Variants in CREM observed in about 807,000 individuals in gnomAD.
CREM encodes cAMP responsive element modulator, also known as cAMP-responsive element modulator.
Under a neutral mutation model 37.3 loss-of-function variants are expected in CREM, and 13 were observed. That is an observed-to-expected ratio of 0.35 (90% CI 0.23 to 0.55). The LOEUF (loss-of-function observed/expected upper bound fraction) is 0.55, where lower values mean the gene tolerates loss of function less well. Ranked by LOEUF, CREM falls within the 20% of genes least tolerant of loss-of-function variation. The probability of loss-of-function intolerance (pLI) is 0.88; values close to 1 mark genes in which losing one functional copy is unlikely to be tolerated. For missense variants in CREM, 296 were observed against 362.3 expected (o/e 0.82, Z 1.49); for synonymous variants, 124 against 120.2 (o/e 1.03, Z -0.21).
At chr10:35,168,160 T>C (rs971340632) in intron 3 of CREM, among the ~76,000 whole-genome samples, 1 of 152,214 alleles carries the variant, frequency 6.6e-6, no homozygotes. Flanking sequence ...TTCTAGATCC[T>C]TGAGGAATCG....
intron 2 of CREM, among the ~76,000 whole-genome samples, chr10:35,143,135 T>C (rs1239637084): frequency 6.6e-6 from 1 of 152,120 alleles, no homozygotes; most frequent in African/African-American, 2.4e-5. Context: ...CACACCTGGC[T>C]AATTTTTGTA....
chr10:35,171,413 C>A (rs2132716025), intron 3 of CREM: 1 of 152,182 alleles, frequency 6.6e-6, no homozygotes, highest in East Asian at 1.9e-4. Context: ...CTCAGGTAAT[C>A]CACCTGCCTC....
chr10:35,188,791 G>A (rs1167728782), intron 6 of CREM, among the ~76,000 whole-genome samples: 5 of 151,902 alleles, frequency 3.3e-5, no homozygotes, highest in Non-Finnish European at 7.4e-5. Context: ...CCGGGGAGCT[G>A]GGATTACAGG....
intron 7 of CREM, chr10:35,209,236 T>C: frequency 3.5e-6 from 3 of 850,528 alleles, no homozygotes; most frequent in Non-Finnish European, 4.2e-6. Context: ...TTTTTATTCT[T>C]TGATTGGCAT....
intron 6 of CREM, among the ~76,000 whole-genome samples, chr10:35,191,930 A>G (rs988814777): frequency 4.0e-5 from 5 of 124,572 alleles, no homozygotes; most frequent in African/African-American, 1.4e-4. Flanking sequence ...GTGATTGACC[A>G]CTACTATCCT....
In CREM at chr10:35,147,041, G is replaced by GTT. The variant is rs755346866; in HGVS notation, c.45-1301_45-1300dup. On this transcript the variant is annotated intron_variant, in intron 2 of 7. Coordinates refer to ENST00000685392, the MANE Select transcript of CREM (RefSeq NM_183011.2). ...GGAGTAGTTTCTATAAGTTTTTTGG[G>GTT]TTTTTTTTTTTTTTTTTTTTTTTTT... 3.6e-3 allele frequency among the ~76,000 whole-genome samples: 433 copies of GTT among 120,942 alleles called. 12 individuals are homozygous for GTT. Among genetic ancestry groups the GTT allele is most frequent in the African/African-American group, 8.2e-3 (258 of 31,434 alleles). 79.3% of individuals were successfully genotyped at this position (120,942 alleles called of 152,430 possible).
chr10:35,140,423 A>G (rs1456971775), intron 2 of CREM, among the ~76,000 whole-genome samples: 2 of 152,116 alleles, frequency 1.3e-5, no homozygotes, highest in African/African-American at 4.8e-5. Flanking sequence ...TCATCATGCT[A>G]CCTATTATGT....
chr10:35,161,841 A>G (rs999871321), intron 3 of CREM, among the ~76,000 whole-genome samples: 1 of 152,216 alleles, frequency 6.6e-6, no homozygotes, highest in Admixed American at 6.5e-5. Context: ...GTAAATTTGT[A>G]TAGCCATATG....
intron 6 of CREM, chr10:35,196,035 A>G (rs752615087): frequency 2.8e-5 from 45 of 1,613,638 alleles, no homozygotes; most frequent in Non-Finnish European, 2.9e-5. Context: ...CTGCTTGAAG[A>G]GGGAAACACG....
intron 3 of CREM, among the ~76,000 whole-genome samples, chr10:35,176,974 C>T (rs938949143): frequency 1.3e-4 from 19 of 151,832 alleles, no homozygotes; most frequent in Admixed American, 9.9e-4. Context: ...ATTAAATATG[C>T]ATTTTTTAAA....
chr10:35,167,808 A>G (rs1421728542), intron 3 of CREM: 2 of 1,612,498 alleles, frequency 1.2e-6, no homozygotes, highest in Non-Finnish European at 8.5e-7. Context: ...GAAAAGGTAA[A>G]TGATGTCTGC....
At chr10:35,185,464 C>G (rs931728602) in intron 5 of CREM, among the ~76,000 whole-genome samples, 4 of 152,116 alleles carry the variant, frequency 2.6e-5, no homozygotes, top group African/African-American at 4.8e-5. Context: ...TTCTAAAGCA[C>G]TATTTCTGTG....
chr10:35,137,402 A>G (rs986150106), intron 1 of CREM, among the ~76,000 whole-genome samples: 7 of 152,226 alleles, frequency 4.6e-5, no homozygotes, highest in Non-Finnish European at 1.0e-4. Context: ...TTAAGTGATC[A>G]TTAACTTCTT....
chr10:35,176,037 C>G, intron 3 of CREM: 3 of 1,524,590 alleles, frequency 2.0e-6, no homozygotes, highest in Non-Finnish European at 2.6e-6. Context: ...CTTTGACTTT[C>G]TTGAGCCATT....
At chr10:35,154,578 A>G (rs1564828888) in intron 3 of CREM, 1 of 152,132 alleles carries the variant, frequency 6.6e-6, no homozygotes, top group South Asian at 2.1e-4. Flanking sequence ...TTTTTTCACT[A>G]TTGCTCCTTA....
At chr10:35,175,167 G>GC (rs1372487156) in intron 3 of CREM, among the ~76,000 whole-genome samples, 6 of 152,232 alleles carry the variant, frequency 3.9e-5, no homozygotes, top group Admixed American at 6.5e-5. Context: ...TAATTCACTG[G>GC]CCAGGTACAG....
intron 3 of CREM, among the ~76,000 whole-genome samples, chr10:35,164,289 C>G (rs2093433506): frequency 6.6e-6 from 1 of 152,144 alleles, no homozygotes. Context: ...AGTGACCTTC[C>G]TTGATCTTAA....
At chr10:35,134,387 T>C (rs915589291) in intron 1 of CREM, among the ~76,000 whole-genome samples, 3 of 152,168 alleles carry the variant, frequency 2.0e-5, no homozygotes, top group African/African-American at 7.2e-5. Context: ...TGGCTACTTT[T>C]TGTATTTTTA....
At chr10:35,160,856 G>T (rs1323265544) in intron 3 of CREM, among the ~76,000 whole-genome samples, 1 of 152,108 alleles carries the variant, frequency 6.6e-6, no homozygotes, top group Non-Finnish European at 1.5e-5. Context: ...GTTGGCCTAG[G>T]CCTGTATAGT....
Sources: gnomAD v4.1 joint callset for allele counts (sites outside exome capture counted in the v4.1 genomes callset) on GRCh38, gnomAD v4.1.1 for gene constraint, MANE v1.5 for transcripts, NCBI Gene and HGNC (gene_info 2026-07-23, HGNC 2026-07-21) for gene names.